Variants in DDX43 observed in about 807,000 individuals in gnomAD.
DDX43 encodes the protein probable ATP-dependent RNA helicase DDX43.
In DDX43, 50 loss-of-function variants were observed where a neutral mutation model predicts 84.9. That is an observed-to-expected ratio of 0.59 (90% CI 0.47 to 0.75). The LOEUF (loss-of-function observed/expected upper bound fraction) is 0.75. DDX43 is among the 30% of genes least tolerant of loss of function. DDX43 has a pLI of 0.00. For missense variants in DDX43, 689 were observed against 798.6 expected (o/e 0.86, Z 1.65); for synonymous variants, 291 against 266.3 (o/e 1.09, Z -0.90).
intron 3 of DDX43, among the ~76,000 whole-genome samples, chr6:73,400,962 A>T (rs545455143): frequency 6.2e-4 from 94 of 152,140 alleles, no homozygotes; most frequent in African/African-American, 2.2e-3. Context: ...TCATTTATTT[A>T]TTTTTATTTT....
Position 73,406,365 on chromosome 6 carries a change from C to A in DDX43, c.809C>A (p.Ser270Ter), listed in dbSNP as rs375439899. The A allele has an allele frequency of 2.5e-6, 4 of 1,599,024 alleles. No individual in the cohort carries two copies. The highest frequency in any genetic ancestry group is 1.7e-5 in the Admixed American group (1 of 59,250). The change falls in exon 7 of 17, where the codon TCA becomes TAA. Residue 270 changes from serine to a stop codon, truncating the protein, a stop_gained and splice_region_variant. Coordinates refer to ENST00000370336, the MANE Select transcript of DDX43 (RefSeq NM_018665.3). LOFTEE classifies it high-confidence loss of function. ...TTAATGTTTATCATTCCGTTTCAGTCACAGGCATGGCCCATTGTGTTGCAA... is the reference window on the plus strand; with the variant it reads ...TTAATGTTTATCATTCCGTTTCAGTAACAGGCATGGCCCATTGTGTTGCAA... ...AGFQKPTPIQ[S>*]QAWPIVLQGI... is the part of the protein sequence containing the mutation.
intron 15 of DDX43, among the ~76,000 whole-genome samples, chr6:73,415,818 G>A (rs1481044143): frequency 1.3e-5 from 2 of 152,144 alleles, no homozygotes; most frequent in Non-Finnish European, 2.9e-5. Context: ...TGGAGGTGGG[G>A]AAAGTTGTAG....
chr6:73,405,576 C>A, intron 5 of DDX43, 103 bp from the exon 6 acceptor site: 1 of 1,080,140 alleles, frequency 9.3e-7, no homozygotes, highest in Non-Finnish European at 1.3e-6. Flanking sequence ...TCATTTTAAT[C>A]AGTTGCAGTT....
At chr6:73,396,637 G>A (rs1045625985) in intron 1 of DDX43, among the ~76,000 whole-genome samples, 2 of 152,006 alleles carry the variant, frequency 1.3e-5, no homozygotes, top group African/African-American at 2.4e-5. Flanking sequence ...TCTTTTAAAC[G>A]TATATCACAA....
At chr6:73,399,406 C>G (rs1769528094) in intron 2 of DDX43, among the ~76,000 whole-genome samples, 1 of 152,102 alleles carries the variant, frequency 6.6e-6, no homozygotes, top group African/African-American at 2.4e-5. Flanking sequence ...CTTGAGTACT[C>G]CACCCACTTC....
intron 16 of DDX43, among the ~76,000 whole-genome samples, chr6:73,416,647 A>G (rs191265455): frequency 7.9e-5 from 12 of 152,346 alleles, no homozygotes; most frequent in Admixed American, 7.8e-4. Context: ...AGGTACTTAG[A>G]ATAGTACAAT....
chr6:73,401,036 G>T (rs117346265), intron 3 of DDX43, among the ~76,000 whole-genome samples: 1 of 152,200 alleles, frequency 6.6e-6, no homozygotes, highest in East Asian at 1.9e-4. Flanking sequence ...GGAGTGCAGT[G>T]GTGTGATCAT....
At chr6:73,414,125 A>C (rs1299418454) in intron 13 of DDX43, 46 bp downstream of exon 13, 1 of 1,209,484 alleles carries the variant, frequency 8.3e-7, no homozygotes, top group African/African-American at 1.5e-5. Context: ...AATTAGTGCA[A>C]TACCTGGGCT....
intron 6 of DDX43, 46 bp downstream of exon 6, chr6:73,405,881 A>C: frequency 1.3e-6 from 2 of 1,563,040 alleles, no homozygotes; most frequent in Non-Finnish European, 1.7e-6. Context: ...TTTTTCTTCG[A>C]AACCAGTGAT....
At chr6:73,415,920 A>T (rs1362370464) in intron 15 of DDX43, among the ~76,000 whole-genome samples, 193 bp from the exon 16 acceptor site, 1 of 152,228 alleles carries the variant, frequency 6.6e-6, no homozygotes, top group Non-Finnish European at 1.5e-5. Flanking sequence ...AAGGCACATT[A>T]AAGGCACTTG....
At chr6:73,406,180 C>T (rs1257167443) in intron 6 of DDX43, among the ~76,000 whole-genome samples, 184 bp from the exon 7 acceptor site, 12 of 145,588 alleles carry the variant, frequency 8.2e-5, no homozygotes, top group African/African-American at 2.5e-4. Context: ...TGTGCCACCA[C>T]GCCCAGCTAA....
rs575336400 is a variant in DDX43 at position 73,406,264 on chromosome 6, T to C, written c.808-100T>C. On this transcript the variant is annotated intron_variant, in intron 6 of 16. Coordinates refer to ENST00000370336, the MANE Select transcript of DDX43 (RefSeq NM_018665.3). ...CTCGAACTCCCGACCTCAGGAGATC[T>C]GCCCGCCTCGGCCTCCCAAAGTGCT... 3.9e-4 allele frequency: 288 copies of C among 733,710 alleles called. 7 individuals carry two copies. The South Asian group carries it at 4.7e-3, about 12-fold the overall frequency. The allele number at this position is 733,710 out of a possible 1,614,324, so 45.4% of individuals were successfully genotyped here.
chr6:73,400,073 A>G (rs1208387268), intron 2 of DDX43, among the ~76,000 whole-genome samples, 161 bp from the exon 3 acceptor site: 2 of 152,182 alleles, frequency 1.3e-5, no homozygotes, highest in Admixed American at 1.3e-4. Flanking sequence ...ATTCCTCTCT[A>G]ACTAGAAATT....
At chr6:73,399,143 C>G (rs530054162) in intron 2 of DDX43, among the ~76,000 whole-genome samples, 254 of 152,172 alleles carry the variant, frequency 1.7e-3, no homozygotes, top group African/African-American at 5.8e-3. Flanking sequence ...GACAGGGTTT[C>G]ACTATGTTGG....
intron 11 of DDX43, among the ~76,000 whole-genome samples, chr6:73,412,660 T>TGC (rs1367414426): frequency 2.2e-5 from 2 of 89,632 alleles, no homozygotes; most frequent in East Asian, 3.9e-4. Flanking sequence ...TGTGTGTGTG[T>TGC]GTGTGTGTGC....
intron 10 of DDX43, among the ~76,000 whole-genome samples, chr6:73,410,523 T>C (rs1769763109): frequency 6.6e-6 from 1 of 152,188 alleles, no homozygotes; most frequent in Non-Finnish European, 1.5e-5. Context: ...GTGGTCACTT[T>C]CATTATTTTA....
At chr6:73,397,556 A>G in intron 1 of DDX43, 133 bp from the exon 2 acceptor site, 1 of 726,592 alleles carries the variant, frequency 1.4e-6, no homozygotes, top group Non-Finnish European at 2.2e-6. Flanking sequence ...CCTCTTTCCA[A>G]ACAAAAAATG....
intron 11 of DDX43, among the ~76,000 whole-genome samples, chr6:73,412,666 T>TGCGCGC (rs1389615602): frequency 4.7e-5 from 4 of 84,300 alleles, no homozygotes; most frequent in African/African-American, 9.9e-5. Context: ...TGTGTGTGTG[T>TGCGCGC]GTGCGCGCGC....
chr6:73,407,409 A>G (rs1231434030), intron 7 of DDX43, 96 bp from the exon 8 acceptor site: 2 of 837,810 alleles, frequency 2.4e-6, no homozygotes, highest in Admixed American at 4.3e-5. Flanking sequence ...GTGAGCCACC[A>G]CGTCTGGCTT....
Sources: gnomAD v4.1 joint callset for allele counts (sites outside exome capture counted in the v4.1 genomes callset) on GRCh38, gnomAD v4.1.1 for gene constraint, MANE v1.5 for transcripts, NCBI Gene and HGNC (gene_info 2026-07-23, HGNC 2026-07-21) for gene names.